Variants in FBXL13 observed in about 807,000 individuals in gnomAD.
FBXL13 encodes the protein F-box and leucine rich repeat protein 13.
FBXL13 carries 67 observed loss-of-function variants against 83.6 expected under a neutral mutation model. That is an observed-to-expected ratio of 0.80 (90% CI 0.66 to 0.98). The LOEUF (loss-of-function observed/expected upper bound fraction) is 0.98. Ranked by LOEUF, FBXL13 falls within the 50% of genes least tolerant of loss-of-function variation. FBXL13 has a pLI of 0.00. For missense variants in FBXL13, 822 were observed against 866.5 expected (o/e 0.95, Z 0.64); for synonymous variants, 272 against 299.5 (o/e 0.91, Z 0.95).
At chr7:103,060,581 T>C (rs1330318015) in intron 1 of FBXL13, among the ~76,000 whole-genome samples, 2 of 152,092 alleles carry the variant, frequency 1.3e-5, no homozygotes, top group Admixed American at 6.5e-5. Context: ...AATAGACCAA[T>C]AGTTCAAATA....
chr7:103,024,397 G>A (rs1793606930), intron 6 of FBXL13, among the ~76,000 whole-genome samples: 1 of 151,608 alleles, frequency 6.6e-6, no homozygotes. Context: ...GCGTAGTGGT[G>A]GGCACCTGTA....
chr7:102,962,082 C>G (rs1825310288), intron 8 of FBXL13, among the ~76,000 whole-genome samples: 1 of 151,042 alleles, frequency 6.6e-6, no homozygotes, highest in Non-Finnish European at 1.5e-5. Context: ...TTCACAACTA[C>G]TCATCTGACA....
chr7:102,905,386 G>C (rs1245849437), intron 11 of FBXL13, among the ~76,000 whole-genome samples: 1 of 152,180 alleles, frequency 6.6e-6, no homozygotes, highest in East Asian at 1.9e-4. Context: ...TGTTCTTATA[G>C]TTTTGGTCTT....
chr7:102,916,285 C>A (rs1211091143), intron 10 of FBXL13, among the ~76,000 whole-genome samples: 2 of 152,138 alleles, frequency 1.3e-5, no homozygotes, highest in Non-Finnish European at 2.9e-5. Context: ...GTGCAACTAG[C>A]CGAGATGAGT....
intron 6 of FBXL13, among the ~76,000 whole-genome samples, chr7:103,016,133 C>T (rs974859436): frequency 6.6e-6 from 1 of 152,164 alleles, no homozygotes; most frequent in African/African-American, 2.4e-5. Flanking sequence ...CTACCAATGA[C>T]ATTTTTCACA....
At chr7:102,926,055 T>G (rs1245238733) in intron 10 of FBXL13, among the ~76,000 whole-genome samples, 2 of 151,904 alleles carry the variant, frequency 1.3e-5, no homozygotes, top group Non-Finnish European at 2.9e-5. Flanking sequence ...CTCAAGCTAC[T>G]GGGCACATTG....
chr7:103,047,241 A>G (rs1796370175), intron 2 of FBXL13, among the ~76,000 whole-genome samples: 1 of 152,202 alleles, frequency 6.6e-6, no homozygotes, highest in South Asian at 2.1e-4. Flanking sequence ...TTATATCAAT[A>G]TATTCAATTT....
intron 8 of FBXL13, chr7:102,933,997 C>G (rs746895800): frequency 5.6e-6 from 9 of 1,614,030 alleles, no homozygotes; most frequent in Non-Finnish European, 7.6e-6. Flanking sequence ...GTGTGAGAAG[C>G]CGAGTGAATC....
chr7:102,944,825 T>A (rs4061), intron 8 of FBXL13: 1 of 468,184 alleles, frequency 2.1e-6, no homozygotes, highest in African/African-American at 2.0e-5. Context: ...TCTGGTGATA[T>A]GCAATTCCAC....
chr7:102,995,397 C>T (rs1345742517), intron 6 of FBXL13, among the ~76,000 whole-genome samples: 1 of 142,378 alleles, frequency 7.0e-6, no homozygotes, highest in Non-Finnish European at 1.5e-5. Context: ...AGGAGAATGG[C>T]GTGAACTCGG....
chr7:103,005,118 C>T (rs1304265772), intron 6 of FBXL13, among the ~76,000 whole-genome samples: 1 of 152,172 alleles, frequency 6.6e-6, no homozygotes, highest in African/African-American at 2.4e-5. Context: ...CTGTCAACTA[C>T]ACTTCATTTA....
Position 102,813,546 on chromosome 7 carries a change from CT to C in FBXL13, c.2019-16del, listed in dbSNP as rs750198705. ...GAGCTGCCTTCCTGTAATAACAGTG[CT>C]TAGCATTAGCTAGTTGCAGAAGTAA... On this transcript the variant is annotated splice_polypyrimidine_tract_variant and intron_variant, in intron 19 of 19. Transcript: ENST00000313221. 1.9e-6 allele frequency: 3 copies of C among 1,610,986 alleles called. No individual in the cohort carries two copies. The East Asian group carries it at 6.7e-5, about 36-fold the overall frequency.
chr7:103,060,208 A>G (rs1289374253), intron 1 of FBXL13, among the ~76,000 whole-genome samples: 2 of 150,986 alleles, frequency 1.3e-5, no homozygotes, highest in African/African-American at 4.9e-5. Context: ...TACAGGCATG[A>G]GCCCCCAAAC....
chr7:102,942,054 T>G (rs1379902805), intron 8 of FBXL13, among the ~76,000 whole-genome samples: 1 of 152,186 alleles, frequency 6.6e-6, no homozygotes, highest in Non-Finnish European at 1.5e-5. Context: ...TCACCAAATG[T>G]GTGTTCCTTG....
At chr7:102,821,008 T>G (rs1015084206) in intron 19 of FBXL13, among the ~76,000 whole-genome samples, 8 of 152,226 alleles carry the variant, frequency 5.3e-5, no homozygotes, top group African/African-American at 1.9e-4. Context: ...TTCAATAATA[T>G]TACCTCTTAT....
intron 10 of FBXL13, among the ~76,000 whole-genome samples, chr7:102,919,465 T>C (rs1156973568): frequency 6.6e-6 from 1 of 152,148 alleles, no homozygotes; most frequent in African/African-American, 2.4e-5. Flanking sequence ...AAAAATATAT[T>C]TTAGTGTTCA....
intron 2 of FBXL13, among the ~76,000 whole-genome samples, chr7:103,051,395 G>A (rs1479125076): frequency 2.6e-5 from 4 of 151,878 alleles, no homozygotes; most frequent in African/African-American, 9.7e-5. Flanking sequence ...TCCAAACCCT[G>A]TTTGGATCAG....
At chr7:103,006,330 C>T (rs112687071) in intron 6 of FBXL13, among the ~76,000 whole-genome samples, 17 of 152,292 alleles carry the variant, frequency 1.1e-4, no homozygotes, top group Non-Finnish European at 1.8e-4. Flanking sequence ...CAGAGTGAGA[C>T]ACCATGAAGC....
chr7:102,934,555 AG>A (rs1486356621), intron 8 of FBXL13: 21 of 84,238 alleles, frequency 2.5e-4, no homozygotes, highest in Non-Finnish European at 4.8e-4. Flanking sequence ...TGTGTAATGA[AG>A]AAGAAAAGGA....
Sources: allele counts gnomAD v4.1 joint callset (sites outside exome capture counted in the v4.1 genomes callset), GRCh38; gene constraint gnomAD v4.1.1; transcripts MANE v1.5; gene names NCBI Gene and HGNC (gene_info 2026-07-23, HGNC 2026-07-21).